Variants in TENM2 observed in about 807,000 individuals in gnomAD.
The protein encoded by TENM2 is teneurin transmembrane protein 2.
Under a neutral mutation model 245.2 loss-of-function variants are expected in TENM2, and 52 were observed. The observed-to-expected ratio is 0.21, with a 90% CI of 0.17 to 0.27. The LOEUF (loss-of-function observed/expected upper bound fraction) is 0.27, where lower values mean the gene tolerates loss of function less well. TENM2 is among the 10% of genes least tolerant of loss of function. The pLI, the probability that TENM2 is intolerant of heterozygous loss-of-function variation, is 1.00. For missense variants in TENM2, 3,046 were observed against 3,666.8 expected (o/e 0.83, Z 4.37); for synonymous variants, 1,363 against 1,438.9 (o/e 0.95, Z 1.19).
intron 24 of TENM2, among the ~76,000 whole-genome samples, chr5:168,226,847 G>C (rs1398728153): frequency 6.6e-6 from 1 of 152,180 alleles, no homozygotes; most frequent in Non-Finnish European, 1.5e-5. Context: ...GCAAGAAAAT[G>C]AATTGTGCCG....
chr5:167,862,192 G>A lies in TENM2; in HGVS notation c.503-13794G>A, dbSNP rs1262433570. Among the ~76,000 whole-genome samples the A allele has an allele frequency of 5.3e-5, 8 of 152,270 alleles. No individual in the cohort carries two copies. In the East Asian group the frequency reaches 1.2e-3, roughly 22 times the overall value. ...TATGAAAATAGAGACTTGGCCAACA[G>A]TGCCCTGTGGATGTGTATTAATTTT... On this transcript the variant is annotated intron_variant, in intron 2 of 28. Transcript: ENST00000518659.
At chr5:167,702,574 A>G (rs927298111) in intron 2 of TENM2, among the ~76,000 whole-genome samples, 10 of 145,928 alleles carry the variant, frequency 6.9e-5, no homozygotes, top group Non-Finnish European at 1.3e-4. Context: ...ATATATATAC[A>G]TATATATATA....
At chr5:167,430,146 C>A (rs573079003) in intron 2 of TENM2, among the ~76,000 whole-genome samples, 1 of 151,890 alleles carries the variant, frequency 6.6e-6, no homozygotes, top group Non-Finnish European at 1.5e-5. Context: ...GAGAAACCAA[C>A]GGAGAGGTTT....
intron 2 of TENM2, among the ~76,000 whole-genome samples, chr5:167,397,490 C>G (rs777993203): frequency 6.6e-6 from 1 of 151,864 alleles, no homozygotes; most frequent in African/African-American, 2.4e-5. Flanking sequence ...TGTTGCAAAC[C>G]GAGCATTGAG....
chr5:167,330,464 C>A (rs74528385), intron 1 of TENM2, among the ~76,000 whole-genome samples: 1 of 152,022 alleles, frequency 6.6e-6, no homozygotes, highest in Non-Finnish European at 1.5e-5. Flanking sequence ...AGACTTGTAG[C>A]AGTTCCAACT....
chr5:167,195,674 A>C, the TENM2 span, among the ~76,000 whole-genome samples: 6 of 152,144 alleles, frequency 3.9e-5, no homozygotes, highest in South Asian at 1.2e-3. Flanking sequence ...TATAAATAAG[A>C]GCTATTATTA....
rs75459803 is a variant in TENM2 at position 167,562,593 on chromosome 5, T to C, written c.502+187120T>C. On this transcript the variant is annotated intron_variant, in intron 2 of 28. Coordinates refer to ENST00000518659, the Ensembl canonical transcript of TENM2. Reference sequence around the variant, plus strand: ...CTGTGCCTTTGTAAGATGGACCTTTTCTCCTGAGAAGAGCTCAGAATGTGA... The same window carrying C: ...CTGTGCCTTTGTAAGATGGACCTTTCCTCCTGAGAAGAGCTCAGAATGTGA... Among the ~76,000 whole-genome samples the C allele has an allele frequency of 8.6e-3, 1,308 of 152,258 alleles. 17 individuals are homozygous for C. The highest frequency in any genetic ancestry group is 0.03 in the African/African-American group (1,243 of 41,552).
chr5:168,151,313 C>T (rs1232683153), intron 12 of TENM2, among the ~76,000 whole-genome samples: 2 of 152,180 alleles, frequency 1.3e-5, no homozygotes, highest in Non-Finnish European at 2.9e-5. Context: ...CTTTCTGGGG[C>T]TTTGCTGTAT....
intron 13 of TENM2, among the ~76,000 whole-genome samples, chr5:168,170,933 T>C (rs915261015): frequency 3.9e-5 from 6 of 152,154 alleles, no homozygotes; most frequent in Non-Finnish European, 7.3e-5. Context: ...CCTCTGTATA[T>C]CCCCTGCCTT....
intron 2 of TENM2, among the ~76,000 whole-genome samples, chr5:167,859,543 T>G (rs1771497067): frequency 1.2e-5 from 1 of 84,392 alleles, no homozygotes; most frequent in Non-Finnish European, 2.4e-5. Context: ...AGCCGCCCCG[T>G]CCGGGAGGGA....
chr5:168,171,882 A>C (rs1219140735), intron 13 of TENM2, among the ~76,000 whole-genome samples: 1 of 152,210 alleles, frequency 6.6e-6, no homozygotes, highest in Non-Finnish European at 1.5e-5. Flanking sequence ...GGCTTCCTGT[A>C]TTTGTGCTTT....
chr5:167,470,528 G>C (rs1766959657), intron 2 of TENM2, among the ~76,000 whole-genome samples: 2 of 125,916 alleles, frequency 1.6e-5, no homozygotes, highest in Non-Finnish European at 3.2e-5. Flanking sequence ...ATTTAGTCTG[G>C]CTTTTATTTT....
At chr5:167,137,007 C>T in the TENM2 span, among the ~76,000 whole-genome samples, 7 of 152,294 alleles carry the variant, frequency 4.6e-5, no homozygotes, top group Non-Finnish European at 5.9e-5. Context: ...TTGGATTCCC[C>T]GTGAGGGCTT....
At chr5:167,832,015 A>G (rs562353758) in intron 2 of TENM2, among the ~76,000 whole-genome samples, 1 of 152,234 alleles carries the variant, frequency 6.6e-6, no homozygotes, top group South Asian at 2.1e-4. Context: ...CATCCCTGAG[A>G]TGATATAAGT....
At chr5:167,525,849 A>G (rs1022954383) in intron 2 of TENM2, among the ~76,000 whole-genome samples, 3 of 152,122 alleles carry the variant, frequency 2.0e-5, no homozygotes, top group Non-Finnish European at 4.4e-5. Flanking sequence ...CCTAACGACT[A>G]TCTTCATTTG....
rs556129738 is a variant in TENM2 at position 167,394,267 on chromosome 5, A to C, written c.502+18794A>C. 8.9e-4 allele frequency among the ~76,000 whole-genome samples: 136 copies of C among 152,224 alleles called. 1 individual carries two copies. Among genetic ancestry groups the C allele is most frequent in the African/African-American group, 3.0e-3 (125 of 41,544 alleles). Reference sequence around the variant, plus strand: ...TCACAGTTTCAGGTCTTACATTTTAAGTCTGTAATCATTTCACATTTATTT... The same window carrying C: ...TCACAGTTTCAGGTCTTACATTTTACGTCTGTAATCATTTCACATTTATTT... On this transcript the variant is annotated intron_variant, in intron 2 of 28. Transcript: ENST00000518659.
rs1017391965 is a variant in TENM2 at position 167,834,775 on chromosome 5, G to T, written c.503-41211G>T. Among the ~76,000 whole-genome samples the T allele has an allele frequency of 9.3e-5, 14 of 151,242 alleles. No individual in the cohort carries two copies. The East Asian group carries it at 2.4e-3, about 25-fold the overall frequency. On this transcript the variant is annotated intron_variant, in intron 2 of 28. Coordinates refer to ENST00000518659, the Ensembl canonical transcript of TENM2. ...TGCCATTCTCCTGCCTCAGCCTCCC[G>T]AGTAGCTTGGGCTACAGGCGCCCGC...
chr5:167,222,909 C>A, the TENM2 span, among the ~76,000 whole-genome samples: 2 of 152,052 alleles, frequency 1.3e-5, no homozygotes, highest in Admixed American at 1.3e-4. Context: ...GATGTCCTTT[C>A]TATGTGCATG....
intron 11 of TENM2, among the ~76,000 whole-genome samples, chr5:168,126,493 C>T (rs1439056122): frequency 1.3e-5 from 2 of 152,146 alleles, no homozygotes; most frequent in African/African-American, 2.4e-5. Context: ...CCAACGAGGG[C>T]ACAAGAGTCT....
Sources: allele counts gnomAD v4.1 joint callset (sites outside exome capture counted in the v4.1 genomes callset), GRCh38; gene constraint gnomAD v4.1.1; transcripts MANE v1.5; gene names NCBI Gene and HGNC (gene_info 2026-07-23, HGNC 2026-07-21).